Variants in DGKI observed in about 807,000 individuals in gnomAD.
DGKI encodes the protein DAG kinase iota.
A neutral mutation model predicts 147.5 loss-of-function variants in DGKI; 55 were observed. The ratio of observed to expected loss-of-function variants is 0.37; its 90% CI spans 0.30 to 0.47. The LOEUF is 0.47. Ranked by LOEUF, DGKI falls within the 20% of genes least tolerant of loss-of-function variation. DGKI has a pLI of 1.00. For synonymous variants in DGKI, 469 were observed against 477.1 expected (o/e 0.98, Z 0.22); for missense variants, 1,007 against 1,323.8 (o/e 0.76, Z 3.71).
chr7:137,415,452 T>A (rs73730610), intron 28 of DGKI, among the ~76,000 whole-genome samples: 1 of 152,164 alleles, frequency 6.6e-6, no homozygotes, highest in Non-Finnish European at 1.5e-5. Flanking sequence ...GACTTGAACA[T>A]CTGTAGATTT....
At chr7:137,445,177 T>G (rs1813667187) in intron 27 of DGKI, among the ~76,000 whole-genome samples, 1 of 152,200 alleles carries the variant, frequency 6.6e-6, no homozygotes, top group East Asian at 1.9e-4. Context: ...TTTAGCTACT[T>G]TGGGATGCTT....
At chr7:137,443,767 A>G (rs1188373274) in intron 28 of DGKI, among the ~76,000 whole-genome samples, 1 of 152,184 alleles carries the variant, frequency 6.6e-6, no homozygotes, top group Non-Finnish European at 1.5e-5. Flanking sequence ...CTGAGTCATA[A>G]AAAGCACAGG....
intron 1 of DGKI, among the ~76,000 whole-genome samples, chr7:137,807,908 C>T (rs557016563): frequency 1.3e-5 from 2 of 152,314 alleles, no homozygotes; most frequent in East Asian, 3.9e-4. Flanking sequence ...CATACACCCT[C>T]TTGCCACCAT....
At chr7:137,459,934 T>C (rs1814366471) in intron 27 of DGKI, among the ~76,000 whole-genome samples, 1 of 152,236 alleles carries the variant, frequency 6.6e-6, no homozygotes, top group Non-Finnish European at 1.5e-5. Context: ...ACAATCATTT[T>C]TCCCTTGATA....
At chr7:137,837,051 A>G (rs1798405720) in intron 1 of DGKI, among the ~76,000 whole-genome samples, 1 of 152,216 alleles carries the variant, frequency 6.6e-6, no homozygotes, top group Non-Finnish European at 1.5e-5. Context: ...GTAATAAGCA[A>G]TATGCAAATA....
chr7:137,534,617 T>C (rs1226733467), intron 20 of DGKI, among the ~76,000 whole-genome samples: 1 of 152,064 alleles, frequency 6.6e-6, no homozygotes, highest in Non-Finnish European at 1.5e-5. Context: ...TTATGAATAA[T>C]AGGGTAATGT....
At chr7:137,568,678 C>A (rs947199486) in intron 19 of DGKI, among the ~76,000 whole-genome samples, 3 of 152,122 alleles carry the variant, frequency 2.0e-5, no homozygotes, top group African/African-American at 7.2e-5. Context: ...TCACGTAACC[C>A]TTTCCAAGTA....
intron 1 of DGKI, among the ~76,000 whole-genome samples, chr7:137,783,126 T>C (rs1039373077): frequency 1.3e-5 from 2 of 151,972 alleles, no homozygotes; most frequent in African/African-American, 2.4e-5. Flanking sequence ...CAAACCAAGA[T>C]GAAATCTCTG....
chr7:137,586,063 C>A (rs982032855), intron 13 of DGKI, among the ~76,000 whole-genome samples: 2 of 152,172 alleles, frequency 1.3e-5, no homozygotes, highest in Non-Finnish European at 2.9e-5. Context: ...GGTCAACTAG[C>A]ATCTACTAAA....
At chr7:137,526,920 A>T (rs1163679920) in intron 20 of DGKI, among the ~76,000 whole-genome samples, 1 of 152,144 alleles carries the variant, frequency 6.6e-6, no homozygotes, top group Admixed American at 6.6e-5. Flanking sequence ...CTTTATGGAT[A>T]AAGTGGATGG....
Position 137,598,690 on chromosome 7 carries a change from G to GT in DGKI, c.1251-784dup, listed in dbSNP as rs547666796. 2.1e-3 allele frequency among the ~76,000 whole-genome samples: 319 copies of GT among 152,114 alleles called. 2 individuals carry two copies. Among genetic ancestry groups the GT allele is most frequent in the African/African-American group, 7.1e-3 (293 of 41,520 alleles). The stretch of plus-strand genomic sequence containing the variant: ...TCACCTATTTAAATCACAAAATATG[G>GT]TTTTTTTCTGAAAATATTTCCTGTC... On this transcript the variant is annotated intron_variant, in intron 11 of 32. Transcript: ENST00000614521.
At chr7:137,510,455 TA>T (rs1190152336) in intron 21 of DGKI, among the ~76,000 whole-genome samples, 2 of 152,210 alleles carry the variant, frequency 1.3e-5, no homozygotes, top group Admixed American at 1.3e-4. Context: ...TGATATTTAC[TA>T]CCAGTGCTCA....
intron 30 of DGKI, among the ~76,000 whole-genome samples, chr7:137,398,124 C>T (rs1811620018): frequency 6.6e-6 from 1 of 152,136 alleles, no homozygotes; most frequent in East Asian, 1.9e-4. Context: ...CCCCATAAAG[C>T]CCTTCATGAT....
rs1811181078 is a variant in DGKI at position 137,386,524 on chromosome 7, C to T, written c.*4696G>A. 1 of 152,148 alleles carries T rather than the reference C, an allele frequency of 6.6e-6. No individual in the cohort carries two copies. The highest frequency in any genetic ancestry group is 1.5e-5 in the Non-Finnish European group (1 of 68,006). 9.4% of individuals were successfully genotyped at this position (152,148 alleles called of 1,614,324 possible). On this transcript the variant is annotated 3_prime_UTR_variant, in exon 33 of 33. Coordinates refer to ENST00000614521, the MANE Select transcript of DGKI (RefSeq NM_001321708.2). ...ATGTGTCCTTTGAGTAAAAGGTATA[C>T]TTGTCCCAGAGGGTAATTTCATTTT... is the stretch of plus-strand genomic sequence containing the variant.
intron 3 of DGKI, among the ~76,000 whole-genome samples, chr7:137,667,324 G>A (rs1822674239): frequency 6.6e-6 from 1 of 152,066 alleles, no homozygotes; most frequent in Non-Finnish European, 1.5e-5. Context: ...AGACTTGAGT[G>A]AAGATGGGCT....
chr7:137,491,832 T>C (rs957900784), intron 21 of DGKI, among the ~76,000 whole-genome samples: 3 of 152,190 alleles, frequency 2.0e-5, no homozygotes, highest in East Asian at 1.9e-4. Context: ...CTATGCCCAC[T>C]CTACATGACT....
At chr7:137,760,029 T>G (rs1374476097) in intron 1 of DGKI, among the ~76,000 whole-genome samples, 2 of 152,150 alleles carry the variant, frequency 1.3e-5, no homozygotes, top group Non-Finnish European at 2.9e-5. Context: ...GACACACAGA[T>G]AGACTGAGGC....
chr7:137,581,885 T>A lies in DGKI; in HGVS notation c.1607A>T (p.Asp536Val). 1 of 1,613,590 alleles carries A rather than the reference T, an allele frequency of 6.2e-7. No individual in the cohort carries two copies. The highest frequency in any genetic ancestry group is 8.5e-7 in the Non-Finnish European group (1 of 1,179,564). The change falls in exon 15 of 33, where the codon GAT becomes GTT. Residue 536 changes from aspartate (D) to valine (V), a missense_variant. Transcript: ENST00000614521. ...VFNNYFSLGF[D>V]AHVTLEFHES... ...ATGGAACTCCAGTGTGACATGGGCATCAAATCCAAGGCTGAAGTAGTTATT... is the reference window on the plus strand; with the variant it reads ...ATGGAACTCCAGTGTGACATGGGCAACAAATCCAAGGCTGAAGTAGTTATT...
At chr7:137,533,559 G>A (rs1463051479) in intron 20 of DGKI, among the ~76,000 whole-genome samples, 2 of 152,002 alleles carry the variant, frequency 1.3e-5, no homozygotes, top group African/African-American at 2.4e-5. Context: ...TAAGACAAGA[G>A]CTTTTACTCA....
Sources: allele counts gnomAD v4.1 joint callset (sites outside exome capture counted in the v4.1 genomes callset), GRCh38; gene constraint gnomAD v4.1.1; transcripts MANE v1.5; gene names NCBI Gene and HGNC (gene_info 2026-07-23, HGNC 2026-07-21).